Variants in DDHD1 observed in about 807,000 individuals in gnomAD.
DDHD1 encodes DDHD domain containing 1, also known as phospholipase DDHD1.
In DDHD1, 49 loss-of-function variants were observed where a neutral mutation model predicts 96.4. The ratio of observed to expected loss-of-function variants is 0.51; its 90% CI spans 0.40 to 0.64. The LOEUF (loss-of-function observed/expected upper bound fraction) is 0.64. Among genes scored for constraint, DDHD1 ranks in the 30% least tolerant of loss-of-function variants. The pLI is 0.00. For synonymous variants in DDHD1, 442 were observed against 446.5 expected, an observed-to-expected ratio of 0.99 and a Z score of 0.13; for missense variants, 1,106 against 1,161.2, an observed-to-expected ratio of 0.95 and a Z score of 0.69.
At chr14:53,133,376 C>A (rs570195924) in intron 1 of DDHD1, among the ~76,000 whole-genome samples, 87 of 152,218 alleles carry the variant, frequency 5.7e-4, no homozygotes, top group Non-Finnish European at 1.1e-3. Context: ...TTCTCTCAGA[C>A]ATACTTCCTC....
Position 53,149,017 on chromosome 14 carries a change from T to C in DDHD1, c.838+3244A>G, listed in dbSNP as rs551110203. Among the ~76,000 whole-genome samples, 6 of 152,356 alleles carry C rather than the reference T, an allele frequency of 3.9e-5. No individual in the cohort carries two copies. In the South Asian group the frequency reaches 1.2e-3, roughly 32 times the overall value. ...AGCAATGATTAGTTTTTATCTAAAA[T>C]GTCCACATGCAGCCAGGAGAATATC... On this transcript the variant is annotated intron_variant, in intron 1 of 12. Transcript: ENST00000673822.
intron 2 of DDHD1, among the ~76,000 whole-genome samples, chr14:53,098,153 T>C (rs1887027822): frequency 6.6e-6 from 1 of 152,032 alleles, no homozygotes. Flanking sequence ...TTAATTTTCT[T>C]TTTTTAAAAT....
chr14:53,152,207 C>T lies in DDHD1; in HGVS notation c.838+54G>A, dbSNP rs1025976643. ...CCAGTCCCAAACCCACACCGGTGCGCATCGGCCCATGCAGGGGCAGCCCGT... is the reference window on the plus strand; with the variant it reads ...CCAGTCCCAAACCCACACCGGTGCGTATCGGCCCATGCAGGGGCAGCCCGT... On this transcript the variant is annotated intron_variant, in intron 1 of 12. Coordinates refer to ENST00000673822, the MANE Select transcript of DDHD1 (RefSeq NM_001160148.2). 18 of 1,503,416 alleles carry T rather than the reference C, an allele frequency of 1.2e-5. No homozygotes were observed. The African/African-American group carries it at 2.4e-4, about 20-fold the overall frequency. 93.1% of individuals were successfully genotyped at this position (1,503,416 alleles called of 1,614,324 possible). A position where few individuals can be genotyped will look rare whatever the true frequency, so the allele number is the denominator to read the frequency against.
At chr14:53,111,362 G>T (rs929570714) in intron 1 of DDHD1, among the ~76,000 whole-genome samples, 1 of 151,858 alleles carries the variant, frequency 6.6e-6, no homozygotes. Flanking sequence ...CTCCATTAGG[G>T]TAAAGACTAT....
At chr14:53,094,888 G>A (rs1388560230) in intron 2 of DDHD1, among the ~76,000 whole-genome samples, 2 of 151,374 alleles carry the variant, frequency 1.3e-5, no homozygotes, top group Non-Finnish European at 2.9e-5. Context: ...TTCTGTAACT[G>A]GGGATATGCT....
chr14:53,102,718 G>C (rs1459821661), intron 2 of DDHD1, among the ~76,000 whole-genome samples: 1 of 151,156 alleles, frequency 6.6e-6, no homozygotes, highest in African/African-American at 2.4e-5. Flanking sequence ...ACAAGAAGAA[G>C]AAAAAAATCC....
chr14:53,138,611 G>C (rs770808845), intron 1 of DDHD1, among the ~76,000 whole-genome samples: 1 of 152,106 alleles, frequency 6.6e-6, no homozygotes, highest in Non-Finnish European at 1.5e-5. Flanking sequence ...ACCCTTCAGA[G>C]AGCTGAGGTC....
At chr14:53,120,621 C>A (rs1399889184) in intron 1 of DDHD1, among the ~76,000 whole-genome samples, 1 of 152,148 alleles carries the variant, frequency 6.6e-6, no homozygotes, top group African/African-American at 2.4e-5. Context: ...TAGAACAGAA[C>A]AGAGACCTCA....
At position 53,149,353 on chromosome 14, in the gene DDHD1, C is replaced by T. The variant is rs890992559; in HGVS notation, c.838+2908G>A. Reference sequence around the variant, plus strand: ...CTTACTGGACATTTTTTTTCAAACACTTTTATTACCACTAACCAGACAGTT... The same window carrying T: ...CTTACTGGACATTTTTTTTCAAACATTTTTATTACCACTAACCAGACAGTT... On this transcript the variant is annotated intron_variant, in intron 1 of 12. Coordinates refer to ENST00000673822, the MANE Select transcript of DDHD1 (RefSeq NM_001160148.2). Among the ~76,000 whole-genome samples the T allele has an allele frequency of 2.0e-5, 3 of 152,066 alleles. No homozygotes were observed. In the East Asian group the frequency reaches 5.8e-4, roughly 29 times the overall value.
intron 1 of DDHD1, among the ~76,000 whole-genome samples, chr14:53,107,956 C>A (rs756460520): frequency 1.3e-5 from 2 of 152,138 alleles, no homozygotes; most frequent in African/African-American, 4.8e-5. Flanking sequence ...GAGAGCACAG[C>A]GGGAGGGACA....
At chr14:53,111,587 G>A (rs1343253401) in intron 1 of DDHD1, among the ~76,000 whole-genome samples, 1 of 152,250 alleles carries the variant, frequency 6.6e-6, no homozygotes, top group East Asian at 1.9e-4. Flanking sequence ...ATTACTAAGA[G>A]GAGGCTAGGT....
chr14:53,103,549 T>C (rs1887468329), intron 2 of DDHD1, 134 bp downstream of exon 2: 1 of 693,762 alleles, frequency 1.4e-6, no homozygotes. Flanking sequence ...TCTAGAATAA[T>C]CAAATGTTTA....
Position 53,110,853 on chromosome 14 carries a change from G to A in DDHD1, c.839-6997C>T, listed in dbSNP as rs187656305. On this transcript the variant is annotated intron_variant, in intron 1 of 12. Coordinates refer to ENST00000673822, the MANE Select transcript of DDHD1 (RefSeq NM_001160148.2). The stretch of plus-strand genomic sequence containing the variant: ...AGCTGGGCTTGGTGGTAACACGCCT[G>A]TAATCCCAGCTACTCAGGAGGCTGA... Among the ~76,000 whole-genome samples, 18 of 152,242 alleles carry A rather than the reference G, an allele frequency of 1.2e-4. No homozygotes were observed. The East Asian group carries it at 2.7e-3, about 23-fold the overall frequency.
intron 1 of DDHD1, among the ~76,000 whole-genome samples, chr14:53,139,715 AC>A (rs1890505669): frequency 6.6e-6 from 1 of 152,054 alleles, no homozygotes; most frequent in African/African-American, 2.4e-5. Context: ...AAACAAAAAA[AC>A]AAAAAACAAG....
chr14:53,066,889 C>T (rs570514595), intron 6 of DDHD1, among the ~76,000 whole-genome samples: 1 of 151,342 alleles, frequency 6.6e-6, no homozygotes, highest in Admixed American at 6.6e-5. Flanking sequence ...ATCACTTGAG[C>T]CCAGAAGACA....
intron 4 of DDHD1, among the ~76,000 whole-genome samples, chr14:53,086,320 C>T (rs954959949): frequency 5.3e-5 from 8 of 151,986 alleles, no homozygotes; most frequent in African/African-American, 1.9e-4. Flanking sequence ...AGATACTCCT[C>T]GAGAAGAGCA....
intron 1 of DDHD1, among the ~76,000 whole-genome samples, chr14:53,121,935 A>G (rs527384795): frequency 6.7e-6 from 1 of 149,834 alleles, no homozygotes; most frequent in African/African-American, 2.5e-5. Flanking sequence ...AAAAAAAAAA[A>G]GGGCAAATGA....
chr14:53,054,254 C>G (rs138494027), intron 11 of DDHD1, 184 bp downstream of exon 11: 1 of 541,588 alleles, frequency 1.8e-6, no homozygotes, highest in Admixed American at 3.2e-5. Flanking sequence ...GAAAGTAAAA[C>G]TGCATTTTCC....
chr14:53,107,053 C>T (rs1280131878), intron 1 of DDHD1, among the ~76,000 whole-genome samples: 1 of 152,084 alleles, frequency 6.6e-6, no homozygotes, highest in Non-Finnish European at 1.5e-5. Context: ...CCACGGGCAC[C>T]TTGTAATTAA....
Sources: allele counts gnomAD v4.1 joint callset (sites outside exome capture counted in the v4.1 genomes callset), GRCh38; gene constraint gnomAD v4.1.1; transcripts MANE v1.5; gene names NCBI Gene and HGNC (gene_info 2026-07-23, HGNC 2026-07-21).